Variants in NDST3 observed in about 807,000 individuals in gnomAD.
The protein encoded by NDST3 is bifunctional heparan sulfate N-deacetylase/N-sulfotransferase 3.
NDST3 carries 58 observed loss-of-function variants against 96.1 expected under a neutral mutation model. That is an observed-to-expected ratio of 0.60 (90% CI 0.49 to 0.75). NDST3 has a LOEUF of 0.75. Among genes scored for constraint, NDST3 ranks in the 30% least tolerant of loss-of-function variants. The probability of loss-of-function intolerance (pLI) is 0.00; values close to 1 mark genes in which losing one functional copy is unlikely to be tolerated. For synonymous variants in NDST3, 333 were observed against 359.7 expected (o/e 0.93, Z 0.84); for missense variants, 788 against 1,034.2 (o/e 0.76, Z 3.27).
chr4:118,185,992 T>A (rs28847597), intron 6 of NDST3, among the ~76,000 whole-genome samples: 1,815 of 152,220 alleles, frequency 0.012, 31 homozygotes, highest in African/African-American at 0.041. Flanking sequence ...ACTTATTTGG[T>A]CTTGAAACCC....
intron 2 of NDST3, among the ~76,000 whole-genome samples, chr4:118,069,730 C>A (rs756884688): frequency 6.6e-6 from 1 of 151,854 alleles, no homozygotes; most frequent in Non-Finnish European, 1.5e-5. Flanking sequence ...TTAATATGGT[C>A]ACTTATGTTT....
At chr4:118,195,437 T>C (rs1025297352) in intron 6 of NDST3, among the ~76,000 whole-genome samples, 1 of 152,224 alleles carries the variant, frequency 6.6e-6, no homozygotes, top group Non-Finnish European at 1.5e-5. Context: ...CCTGCCACCA[T>C]GTAAGACATG....
chr4:118,201,337 T>A (rs1738074225), intron 6 of NDST3, among the ~76,000 whole-genome samples: 1 of 152,188 alleles, frequency 6.6e-6, no homozygotes, highest in South Asian at 2.1e-4. Context: ...TAGCCCTGTT[T>A]TAGGTTCTTT....
intron 2 of NDST3, among the ~76,000 whole-genome samples, chr4:118,093,221 A>C (rs1242849035): frequency 1.3e-5 from 2 of 151,708 alleles, no homozygotes; most frequent in Non-Finnish European, 2.9e-5. Context: ...GATTATATTA[A>C]TTTTTTATAC....
At chr4:118,116,291 T>G (rs1050984996) in intron 4 of NDST3, among the ~76,000 whole-genome samples, 1 of 152,170 alleles carries the variant, frequency 6.6e-6, no homozygotes, top group Non-Finnish European at 1.5e-5. Context: ...AAGGGATTTG[T>G]GAGAGACGAA....
intron 2 of NDST3, among the ~76,000 whole-genome samples, chr4:118,093,222 T>C (rs917252943): frequency 1.3e-5 from 2 of 151,834 alleles, no homozygotes; most frequent in African/African-American, 2.4e-5. Context: ...ATTATATTAA[T>C]TTTTTATACA....
chr4:118,205,797 T>A (rs1738397427), intron 6 of NDST3, among the ~76,000 whole-genome samples: 1 of 141,300 alleles, frequency 7.1e-6, no homozygotes, highest in Non-Finnish European at 1.6e-5. Flanking sequence ...GTGATGACAG[T>A]ACAAATATAC....
At position 118,054,606 on chromosome 4, in the gene NDST3, A is replaced by G; in HGVS notation, c.696A>G (p.Pro232=). ...AGATTAATCATTCAGCCTATCAACC[A>G]GTAATATTTGCCAAAGTAAAGACCC... ...VFQINHSAYQ[P]VIFAKVKTPE... Residue 232 remains proline (P), a synonymous_variant, in exon 2 of 14, where the codon CCA becomes CCG. Coordinates refer to ENST00000296499, the MANE Select transcript of NDST3 (RefSeq NM_004784.3). 1.2e-6 allele frequency: 2 copies of G among 1,613,312 alleles called. No individual in the cohort carries two copies. The highest frequency in any genetic ancestry group is 1.7e-6 in the Non-Finnish European group (2 of 1,179,482).
chr4:118,061,184 G>C (rs887784051), intron 2 of NDST3, among the ~76,000 whole-genome samples: 1 of 151,972 alleles, frequency 6.6e-6, no homozygotes, highest in African/African-American at 2.4e-5. Context: ...GCTGTTCCTT[G>C]CTCCTGTTTC....
chr4:118,060,031 T>C (rs2110464136), intron 2 of NDST3, among the ~76,000 whole-genome samples: 1 of 152,270 alleles, frequency 6.6e-6, no homozygotes, highest in East Asian at 1.9e-4. Flanking sequence ...ATGCCTCATG[T>C]ACTTGATAGG....
chr4:118,093,724 A>C lies in NDST3; in HGVS notation c.982-11294A>C, dbSNP rs535135285. Among the ~76,000 whole-genome samples, 3 of 152,018 alleles carry C rather than the reference A, an allele frequency of 2.0e-5. No homozygotes were observed. In the East Asian group the frequency reaches 5.8e-4, roughly 29 times the overall value. On this transcript the variant is annotated intron_variant, in intron 2 of 13. Coordinates refer to ENST00000296499, the MANE Select transcript of NDST3 (RefSeq NM_004784.3). ...GTTAGACCTATATGTATGTAAAATA[A>C]AGTGACTTTTAAGTGAGAGCATGAA... is the stretch of plus-strand genomic sequence containing the variant.
chr4:118,236,898 T>A (rs1740682819), intron 9 of NDST3, 148 bp from the exon 10 acceptor site: 2 of 518,984 alleles, frequency 3.9e-6, no homozygotes, highest in Admixed American at 7.9e-5. Context: ...TAGATATTTT[T>A]CTCTTCCTAA....
At chr4:118,044,100 T>C (rs937971105) in intron 1 of NDST3, among the ~76,000 whole-genome samples, 3 of 152,202 alleles carry the variant, frequency 2.0e-5, no homozygotes, top group Admixed American at 6.5e-5. Flanking sequence ...ATAAGTTACA[T>C]GCCTTTCACT....
chr4:118,105,867 T>C (rs1730139195), intron 3 of NDST3, among the ~76,000 whole-genome samples: 1 of 152,346 alleles, frequency 6.6e-6, no homozygotes, highest in South Asian at 2.1e-4. Context: ...GGCACACTTA[T>C]AATTAATTTT....
chr4:118,211,781 G>T (rs1738816552), intron 6 of NDST3, among the ~76,000 whole-genome samples: 1 of 152,138 alleles, frequency 6.6e-6, no homozygotes, highest in African/African-American at 2.4e-5. Context: ...AAGCTAGAAA[G>T]TACAGTCCGT....
chr4:118,063,120 G>A (rs1726030928), intron 2 of NDST3, among the ~76,000 whole-genome samples: 1 of 149,804 alleles, frequency 6.7e-6, no homozygotes, highest in South Asian at 2.1e-4. Context: ...AACCCGGGAG[G>A]TGGAGGTTGC....
chr4:118,148,216 G>A (rs1365890894), intron 6 of NDST3, among the ~76,000 whole-genome samples: 3 of 152,084 alleles, frequency 2.0e-5, no homozygotes, highest in Non-Finnish European at 4.4e-5. Flanking sequence ...GAGAATCACT[G>A]GAATCCAGGA....
chr4:118,245,875 A>C (rs1741282473), intron 12 of NDST3, among the ~76,000 whole-genome samples: 1 of 152,172 alleles, frequency 6.6e-6, no homozygotes, highest in African/African-American at 2.4e-5. Flanking sequence ...AGGAAAGTTA[A>C]GCCAAAGGTC....
At position 118,256,104 on chromosome 4, in the gene NDST3, CTTA is replaced by C. The variant is rs1303213357; in HGVS notation, c.*398_*400del. 1.3e-5 allele frequency: 2 copies of C among 152,856 alleles called. No homozygotes were observed. The highest frequency in any genetic ancestry group is 2.4e-5 in the African/African-American group (1 of 41,484). 9.5% of individuals were successfully genotyped at this position (152,856 alleles called of 1,614,324 possible). A position where few individuals can be genotyped will look rare whatever the true frequency, so the allele number is the denominator to read the frequency against. The stretch of plus-strand genomic sequence containing the variant: ...CCACTGTTTGCCTGTACGATGTTTT[CTTA>C]TTATTTTATTCTATAAAGTGTCCTA... On this transcript the variant is annotated 3_prime_UTR_variant, in exon 14 of 14. Transcript: ENST00000296499.
Sources: allele counts gnomAD v4.1 joint callset (sites outside exome capture counted in the v4.1 genomes callset), GRCh38; gene constraint gnomAD v4.1.1; transcripts MANE v1.5; gene names NCBI Gene and HGNC (gene_info 2026-07-23, HGNC 2026-07-21).